RPSA2: variants seen among roughly 807,000 people sequenced by gnomAD.
RPSA2 encodes the protein ribosomal protein SA 2, also known as small ribosomal subunit protein uS2B.
chr19:23,786,502 T>C, the RPSA2 span, among the ~76,000 whole-genome samples: 1 of 152,224 alleles, frequency 6.6e-6, no homozygotes, highest in African/African-American at 2.4e-5. Context: ...CCTGCACCCA[T>C]GTTATGTGAC....
At chr19:23,797,549 G>A in the RPSA2 span, among the ~76,000 whole-genome samples, 2 of 137,384 alleles carry the variant, frequency 1.5e-5, no homozygotes, top group Admixed American at 1.5e-4. Flanking sequence ...TCTTTTTGTT[G>A]AATTATATTT....
chr19:23,805,950 ATGT>A, the RPSA2 span, among the ~76,000 whole-genome samples: 3 of 152,108 alleles, frequency 2.0e-5, no homozygotes, highest in African/African-American at 7.2e-5. Flanking sequence ...AATATTAAAA[ATGT>A]TGTCTTTGGC....
At chr19:23,861,392 T>TACCC in the RPSA2 span, among the ~76,000 whole-genome samples, 1 of 152,056 alleles carries the variant, frequency 6.6e-6, no homozygotes, top group African/African-American at 2.4e-5. Context: ...GCCCCCCCAC[T>TACCC]ACCCACCACA....
At chr19:23,805,167 T>TTTTCC in the RPSA2 span, among the ~76,000 whole-genome samples, 15 of 150,856 alleles carry the variant, frequency 9.9e-5, no homozygotes, top group Non-Finnish European at 1.9e-4. Flanking sequence ...ACACACACTT[T>TTTTCC]TTTTCTTTTT....
the RPSA2 span, among the ~76,000 whole-genome samples, chr19:23,851,240 G>A: frequency 1.2e-4 from 19 of 152,282 alleles, no homozygotes; most frequent in African/African-American, 4.6e-4. Flanking sequence ...ATTAATACCA[G>A]GTTCCTGATT....
the RPSA2 span, among the ~76,000 whole-genome samples, chr19:23,844,468 G>A: frequency 3.9e-5 from 6 of 152,190 alleles, no homozygotes; most frequent in South Asian, 8.3e-4. Flanking sequence ...GCATACTCAT[G>A]TTGGCTATTT....
chr19:23,761,921 T>TCTCTCTCTCTCTCTCGCTCTC, the RPSA2 span, among the ~76,000 whole-genome samples: 37 of 76,142 alleles, frequency 4.9e-4, 6 homozygotes, highest in African/African-American at 1.6e-3. Flanking sequence ...TCTTTCTTTC[T>TCTCTCTCTCTCTCTCGCTCTC]TTTTTTTTTT....
chr19:23,829,529 G>T, the RPSA2 span, among the ~76,000 whole-genome samples: 1 of 152,204 alleles, frequency 6.6e-6, no homozygotes, highest in Non-Finnish European at 1.5e-5. Flanking sequence ...TTGAACTCCT[G>T]ACTTCAGGTG....
the RPSA2 span, among the ~76,000 whole-genome samples, chr19:23,858,400 T>A: frequency 0.98 from 148,942 of 152,266 alleles, 72,937 homozygotes; most frequent in Middle Eastern, 1. Flanking sequence ...AACACATTTG[T>A]ATAGATAAAT....
At chr19:23,808,458 G>T in the RPSA2 span, among the ~76,000 whole-genome samples, 1 of 151,680 alleles carries the variant, frequency 6.6e-6, no homozygotes, top group African/African-American at 2.4e-5. Context: ...GTAGAGACAG[G>T]GTTTCACCAT....
the RPSA2 span, among the ~76,000 whole-genome samples, chr19:23,850,822 AC>A: frequency 6.6e-6 from 1 of 152,266 alleles, no homozygotes; most frequent in East Asian, 1.9e-4. Context: ...TTTGAAGTAA[AC>A]AATGCTAAAT....
At chr19:23,759,541 T>TTTTTTTTTG in the RPSA2 span, among the ~76,000 whole-genome samples, 1 of 148,212 alleles carries the variant, frequency 6.7e-6, no homozygotes, top group Non-Finnish European at 1.5e-5. Context: ...TTTTTTTTTT[T>TTTTTTTTTG]GAGACGGAGT....
chr19:23,758,776 C>A, the RPSA2 span: 1 of 1,614,202 alleles, frequency 6.2e-7, no homozygotes, highest in Admixed American at 1.7e-5. Context: ...GACCTGGCGT[C>A]TTAGCTATGG....
the RPSA2 span, among the ~76,000 whole-genome samples, chr19:23,804,968 T>G: frequency 6.6e-6 from 1 of 151,276 alleles, no homozygotes; most frequent in Admixed American, 6.6e-5. Flanking sequence ...TTATGAGAGT[T>G]AAGTGCCGCC....
chr19:23,796,418 T>A, the RPSA2 span, among the ~76,000 whole-genome samples: 3 of 37,426 alleles, frequency 8.0e-5, no homozygotes, highest in African/African-American at 2.6e-4. Flanking sequence ...GATATTGGCC[T>A]GATTTTTTTT....
the RPSA2 span, among the ~76,000 whole-genome samples, chr19:23,792,380 A>T: frequency 1.3e-5 from 2 of 152,198 alleles, no homozygotes; most frequent in East Asian, 3.9e-4. Flanking sequence ...GAGAGAAACT[A>T]CAGAGCCTTG....
the RPSA2 span, among the ~76,000 whole-genome samples, chr19:23,801,979 A>G: frequency 2.0e-5 from 3 of 152,202 alleles, no homozygotes; most frequent in Non-Finnish European, 2.9e-5. Context: ...CCAAAAATGC[A>G]AAGTGATGTT....
the RPSA2 span, among the ~76,000 whole-genome samples, chr19:23,838,330 G>A: frequency 1.2e-4 from 18 of 152,084 alleles, no homozygotes; most frequent in African/African-American, 4.3e-4. Flanking sequence ...TGTTGGATTT[G>A]GTAAGCTAAT....
chr19:23,783,288 C>T, the RPSA2 span, among the ~76,000 whole-genome samples: 1 of 151,852 alleles, frequency 6.6e-6, no homozygotes, highest in African/African-American at 2.4e-5. Context: ...AGAGACGGGG[C>T]TTCTCCATGT....
Sources: allele counts gnomAD v4.1 joint callset (sites outside exome capture counted in the v4.1 genomes callset), GRCh38; gene constraint gnomAD v4.1.1; transcripts MANE v1.5; gene names NCBI Gene and HGNC (gene_info 2026-07-23, HGNC 2026-07-21).